The following DOP1B variants were observed in gnomAD, a reference collection of about 807,000 sequenced individuals.
The protein encoded by DOP1B is protein DOP1B.
DOP1B carries 174 observed loss-of-function variants against 233.5 expected under a neutral mutation model. The ratio of observed to expected loss-of-function variants is 0.75; its 90% CI spans 0.66 to 0.85. DOP1B has a LOEUF of 0.85. Ranked by LOEUF, DOP1B falls within the 40% of genes least tolerant of loss-of-function variation. The pLI is 0.00. For missense variants in DOP1B, 2,652 were observed against 2,846.6 expected, an observed-to-expected ratio of 0.93 and a Z score of 1.56; for synonymous variants, 1,190 against 1,185.6, an observed-to-expected ratio of 1.00 and a Z score of -0.08.
At chr21:36,201,901 A>G (rs976406787) in intron 4 of DOP1B, among the ~76,000 whole-genome samples, 1 of 151,798 alleles carries the variant, frequency 6.6e-6, no homozygotes, top group Non-Finnish European at 1.5e-5. Flanking sequence ...ACTATTGAGT[A>G]TGGCCGGGCA....
At chr21:36,275,296 ATTG>A (rs2067338181) in intron 27 of DOP1B, among the ~76,000 whole-genome samples, 1 of 152,092 alleles carries the variant, frequency 6.6e-6, no homozygotes, top group Admixed American at 6.6e-5. Context: ...AAATGGAATT[ATTG>A]TTATTTGATA....
chr21:36,209,082 C>CTGG (rs2066462991), intron 5 of DOP1B, among the ~76,000 whole-genome samples, 178 bp downstream of exon 5: 1 of 152,188 alleles, frequency 6.6e-6, no homozygotes, highest in African/African-American at 2.4e-5. Context: ...GCAGTTGAGG[C>CTGG]TGGTGGTGGC....
At position 36,246,174 on chromosome 21, in the gene DOP1B, C is replaced by T. The variant is rs2066962001; in HGVS notation, c.4194C>T (p.Ser1398=). The change falls in exon 19 of 37, where the codon AGC becomes AGT. Residue 1398 remains serine, a synonymous_variant. Coordinates refer to ENST00000691173, the MANE Select transcript of DOP1B (RefSeq NM_001320714.2). This position sits in a 1 kb window ranked among gnomAD's most constrained non-coding sequence, Gnocchi z 5.1. ...LLSLSASMYT[S]QKRYGLATAH... ...CCCTGTCGGCGTCCATGTACACGAG[C>T]CAGAAGCGCTACGGGCTGGCCACCG... 1 of 1,613,732 alleles carries T rather than the reference C, an allele frequency of 6.2e-7. No homozygotes were observed. The highest frequency in any genetic ancestry group is 1.1e-5 in the South Asian group (1 of 91,080).
chr21:36,183,561 C>G (rs985549356), intron 2 of DOP1B, among the ~76,000 whole-genome samples: 1 of 152,214 alleles, frequency 6.6e-6, no homozygotes, highest in African/African-American at 2.4e-5. Context: ...CAGTGTCTTG[C>G]AGCTGTTGGA....
intron 2 of DOP1B, among the ~76,000 whole-genome samples, chr21:36,174,197 T>C (rs12482539): frequency 1.3e-5 from 2 of 152,070 alleles, no homozygotes; most frequent in African/African-American, 4.8e-5. Flanking sequence ...ACCTAAAAAC[T>C]TGGTGAGAGG....
At chr21:36,284,016 C>T (rs571412664) in intron 32 of DOP1B, among the ~76,000 whole-genome samples, 5 of 142,680 alleles carry the variant, frequency 3.5e-5, no homozygotes, top group East Asian at 4.5e-4. Flanking sequence ...GGCACAATCT[C>T]GGCTCACTGC....
chr21:36,234,122 T>G (rs1018772251), intron 15 of DOP1B, among the ~76,000 whole-genome samples: 2 of 152,084 alleles, frequency 1.3e-5, no homozygotes, highest in African/African-American at 4.8e-5. Flanking sequence ...CCTCCCAAAG[T>G]GCCAGAATTA....
chr21:36,280,961 C>G (rs1179784590), intron 31 of DOP1B, among the ~76,000 whole-genome samples: 1 of 151,818 alleles, frequency 6.6e-6, no homozygotes, highest in South Asian at 2.1e-4. Context: ...AAGATCGTGC[C>G]ACTGCACTCC....
chr21:36,226,605 C>T (rs2066685771), intron 12 of DOP1B, among the ~76,000 whole-genome samples: 1 of 150,942 alleles, frequency 6.6e-6, no homozygotes, highest in Non-Finnish European at 1.5e-5. Context: ...ATCCTCTTTT[C>T]TCTTTTTTGA....
At chr21:36,159,145 CCAAAA>C (rs1052074713) in intron 1 of DOP1B, among the ~76,000 whole-genome samples, 40 of 149,212 alleles carry the variant, frequency 2.7e-4, no homozygotes, top group Admixed American at 2.2e-3. Context: ...AAATCAAAAA[CCAAAA>C]CAAAACAAAA....
At chr21:36,189,920 G>T (rs1306808425) in intron 2 of DOP1B, among the ~76,000 whole-genome samples, 1 of 148,142 alleles carries the variant, frequency 6.8e-6, no homozygotes, top group Non-Finnish European at 1.5e-5. Flanking sequence ...TGAGGCAGGA[G>T]AATCGCTGGA....
intron 26 of DOP1B, 57 bp from the exon 27 acceptor site, chr21:36,269,955 CA>C: frequency 6.4e-7 from 1 of 1,572,916 alleles, no homozygotes; most frequent in Non-Finnish European, 8.7e-7. Context: ...CTGTTTTAGG[CA>C]CTTAACATTC....
chr21:36,185,073 A>C (rs1165719394), intron 2 of DOP1B, among the ~76,000 whole-genome samples: 2 of 152,216 alleles, frequency 1.3e-5, no homozygotes, highest in African/African-American at 4.8e-5. Context: ...CTCTGACTTT[A>C]ACAAGCAGGT....
chr21:36,202,291 C>T (rs2066377446), intron 4 of DOP1B, among the ~76,000 whole-genome samples: 1 of 152,200 alleles, frequency 6.6e-6, no homozygotes, highest in African/African-American at 2.4e-5. Context: ...CTTATTAACT[C>T]TTCTGAGAGA....
intron 2 of DOP1B, among the ~76,000 whole-genome samples, chr21:36,184,331 G>A (rs1398243842): frequency 1.3e-5 from 2 of 152,138 alleles, no homozygotes; most frequent in African/African-American, 4.8e-5. Context: ...TTACAGGTGT[G>A]AGCCACCACG....
chr21:36,205,202 T>C (rs2066413844), intron 4 of DOP1B, among the ~76,000 whole-genome samples: 1 of 152,144 alleles, frequency 6.6e-6, no homozygotes, highest in African/African-American at 2.4e-5. Flanking sequence ...GTGCTTGGGA[T>C]TTGCGGTGCC....
At chr21:36,208,970 C>G (rs2066462064) in intron 5 of DOP1B, 66 bp downstream of exon 5, 1 of 1,408,862 alleles carries the variant, frequency 7.1e-7, no homozygotes, top group African/African-American at 1.5e-5. Flanking sequence ...TCCTCATGGG[C>G]AGGTTGTCAC....
Position 36,212,079 on chromosome 21 carries a change from C to T in DOP1B, c.886C>T (p.Leu296=). The T allele has an allele frequency of 6.2e-7, 1 of 1,611,672 alleles. No homozygotes were observed. Among genetic ancestry groups the T allele is most frequent in the Non-Finnish European group, 8.5e-7 (1 of 1,179,272 alleles). Residue 296 remains leucine (L), a synonymous_variant, in exon 7 of 37, where the codon CTG becomes TTG. Transcript: ENST00000691173. ...LRRDMSLNRR[L]YAWLLGSDIK... The stretch of plus-strand genomic sequence containing the variant: ...AAGGGACATGTCCCTGAACAGAAGA[C>T]TGTATGCATGGTTACTAGGTACTGA...
At chr21:36,280,381 T>C (rs1449284269) in intron 31 of DOP1B, 35 bp downstream of exon 31, 3 of 1,474,838 alleles carry the variant, frequency 2.0e-6, no homozygotes, top group Non-Finnish European at 2.8e-6. Flanking sequence ...AACTCACACT[T>C]GATAGGATCA....
Sources: gnomAD v4.1 joint callset for allele counts (sites outside exome capture counted in the v4.1 genomes callset) on GRCh38, gnomAD v4.1.1 for gene constraint, Gnocchi (gnomAD v3.1) non-coding constraint, MANE v1.5 for transcripts, NCBI Gene and HGNC (gene_info 2026-07-23, HGNC 2026-07-21) for gene names.